The following TMEM108 variants were observed in gnomAD, a reference collection of about 807,000 sequenced individuals.
The protein encoded by TMEM108 is cancer/testis antigen 124.
A neutral mutation model predicts 35.1 loss-of-function variants in TMEM108; 12 were observed. The observed-to-expected ratio is 0.34, with a 90% CI of 0.22 to 0.55. TMEM108 has a LOEUF of 0.55. TMEM108 is among the 20% of genes least tolerant of loss of function. The pLI is 0.89. For missense variants in TMEM108, 680 were observed against 753.3 expected (o/e 0.90, Z 1.14); for synonymous variants, 287 against 308.6 (o/e 0.93, Z 0.73).
Position 133,190,268 on chromosome 3 carries a change from G to C in TMEM108, c.-46-38998G>C, listed in dbSNP as rs564417973. Among the ~76,000 whole-genome samples the C allele has an allele frequency of 5.3e-5, 8 of 152,282 alleles. No homozygotes were observed. In the South Asian group the frequency reaches 1.5e-3, roughly 28 times the overall value. ...CCAGAGGGCTAATGTCCAAGGTAAA[G>C]GCCTTTAGGACTTTTAATATGGCAA... On this transcript the variant is annotated intron_variant, in intron 2 of 5. Coordinates refer to ENST00000321871, the MANE Select transcript of TMEM108 (RefSeq NM_023943.4).
At chr3:133,062,942 G>A (rs1487914426) in intron 2 of TMEM108, among the ~76,000 whole-genome samples, 3 of 152,216 alleles carry the variant, frequency 2.0e-5, no homozygotes. Flanking sequence ...ATGTATGGAA[G>A]GGAGTGGTTA....
chr3:133,314,719 G>T (rs2071175270), intron 3 of TMEM108, among the ~76,000 whole-genome samples: 1 of 152,184 alleles, frequency 6.6e-6, no homozygotes, highest in Non-Finnish European at 1.5e-5. Context: ...CTGGTAATTG[G>T]TGGATGGATA....
chr3:133,095,883 G>C (rs1217443375), intron 2 of TMEM108, among the ~76,000 whole-genome samples: 1 of 152,142 alleles, frequency 6.6e-6, no homozygotes, highest in African/African-American at 2.4e-5. Context: ...TGGCCTAGGG[G>C]TTTGGGACCC....
At chr3:133,307,750 T>C (rs1576446220) in intron 3 of TMEM108, among the ~76,000 whole-genome samples, 1 of 152,292 alleles carries the variant, frequency 6.6e-6, no homozygotes, top group Non-Finnish European at 1.5e-5. Context: ...TTGGTACCAG[T>C]ACTATACTGT....
At chr3:133,093,082 T>G (rs1437237785) in intron 2 of TMEM108, among the ~76,000 whole-genome samples, 1 of 151,586 alleles carries the variant, frequency 6.6e-6, no homozygotes, top group Non-Finnish European at 1.5e-5. Context: ...CTCTGCCTCC[T>G]GGGTTCAAGT....
intron 3 of TMEM108, among the ~76,000 whole-genome samples, chr3:133,262,628 G>A (rs578228304): frequency 6.6e-6 from 1 of 152,206 alleles, no homozygotes; most frequent in South Asian, 2.1e-4. Flanking sequence ...ATATCCTAGA[G>A]GCTACTAACT....
chr3:133,310,530 CTTTTTTTTTTT>C (rs59215786), intron 3 of TMEM108, among the ~76,000 whole-genome samples: 6 of 22,250 alleles, frequency 2.7e-4, no homozygotes, highest in African/African-American at 7.6e-4. Flanking sequence ...GCAACCCCTG[CTTTTTTTTTTT>C]TTTTTTTTTT....
intron 2 of TMEM108, among the ~76,000 whole-genome samples, chr3:133,162,767 C>T (rs886193802): frequency 1.3e-4 from 20 of 152,160 alleles, no homozygotes; most frequent in East Asian, 3.8e-4. Context: ...AGGTTATAAA[C>T]GGAGTTGGGA....
intron 2 of TMEM108, among the ~76,000 whole-genome samples, chr3:133,102,322 T>A (rs1183567931): frequency 1.3e-5 from 2 of 152,172 alleles, no homozygotes; most frequent in Non-Finnish European, 1.5e-5. Flanking sequence ...TCTGTTGTGT[T>A]TACAGTACCC....
At position 133,045,930 on chromosome 3, in the gene TMEM108, T is replaced by C. The variant is rs1943334633; in HGVS notation, c.-137T>C. ...GTGATAGATTGGTGGTCATCCAACA[T>C]GCAGAAATGAATGAGCAGTGAAAAG... On this transcript the variant is annotated 5_prime_UTR_variant, in exon 2 of 6. The change abolishes an upstream ATG in the 5' untranslated region. Coordinates refer to ENST00000321871, the MANE Select transcript of TMEM108 (RefSeq NM_023943.4). 1 of 152,664 alleles carries C rather than the reference T, an allele frequency of 6.6e-6. No homozygotes were observed. Among genetic ancestry groups the C allele is most frequent in the African/African-American group, 2.4e-5 (1 of 41,460 alleles). 9.5% of individuals were successfully genotyped at this position (152,664 alleles called of 1,614,324 possible).
intron 3 of TMEM108, among the ~76,000 whole-genome samples, chr3:133,279,137 G>A (rs1230679938): frequency 6.6e-6 from 1 of 152,200 alleles, no homozygotes; most frequent in Non-Finnish European, 1.5e-5. Context: ...TGTAGTGGAT[G>A]TTAAAACACC....
At chr3:133,120,473 A>G (rs1043229176) in intron 2 of TMEM108, among the ~76,000 whole-genome samples, 2 of 152,170 alleles carry the variant, frequency 1.3e-5, no homozygotes, top group African/African-American at 2.4e-5. Context: ...CTCTTACTGT[A>G]CTTTGAGTTG....
At chr3:133,088,124 G>A (rs1014623005) in intron 2 of TMEM108, among the ~76,000 whole-genome samples, 6 of 152,148 alleles carry the variant, frequency 3.9e-5, no homozygotes, top group African/African-American at 1.4e-4. Flanking sequence ...AAAGAAAGAT[G>A]TCTGTGGTCC....
chr3:133,364,223 G>A (rs980787966), intron 3 of TMEM108, among the ~76,000 whole-genome samples: 1 of 152,246 alleles, frequency 6.6e-6, no homozygotes, highest in African/African-American at 2.4e-5. Context: ...TGGCCTCAGG[G>A]TCAGCCACTT....
At chr3:133,229,231 TC>T in intron 2 of TMEM108, 34 bp from the exon 3 acceptor site, 1 of 1,382,324 alleles carries the variant, frequency 7.2e-7, no homozygotes, top group African/African-American at 1.4e-5. Flanking sequence ...ATTATGTTCC[TC>T]AGATGTAACA....
chr3:133,241,574 T>C (rs1946312961), intron 3 of TMEM108, among the ~76,000 whole-genome samples: 1 of 151,626 alleles, frequency 6.6e-6, no homozygotes. Flanking sequence ...AGTTTCCCTG[T>C]CTGTAAAATG....
chr3:133,294,470 A>G (rs539863098), intron 3 of TMEM108, among the ~76,000 whole-genome samples: 1 of 152,312 alleles, frequency 6.6e-6, no homozygotes, highest in African/African-American at 2.4e-5. Context: ...TGTTTTCTCT[A>G]CTTCCTTCAA....
At chr3:133,310,601 T>C (rs905178356) in intron 3 of TMEM108, among the ~76,000 whole-genome samples, 6 of 148,170 alleles carry the variant, frequency 4.0e-5, no homozygotes, top group African/African-American at 1.5e-4. Flanking sequence ...TCCCTTTATT[T>C]TGAGCCTATG....
chr3:133,113,666 C>G lies in TMEM108; in HGVS notation c.-47+67646C>G, dbSNP rs1458952280. ...CCTTGTCAAGATGACATGTCCTCAC[C>G]TCAACCCACCCCTACCCTTGAGTTG... On this transcript the variant is annotated intron_variant, in intron 2 of 5. Coordinates refer to ENST00000321871, the MANE Select transcript of TMEM108 (RefSeq NM_023943.4). Among the ~76,000 whole-genome samples the G allele has an allele frequency of 2.0e-5, 3 of 152,222 alleles. No individual in the cohort carries two copies. The East Asian group carries it at 5.8e-4, about 29-fold the overall frequency.
Sources: allele counts gnomAD v4.1 joint callset (sites outside exome capture counted in the v4.1 genomes callset), GRCh38; gene constraint gnomAD v4.1.1; transcripts MANE v1.5; gene names NCBI Gene and HGNC (gene_info 2026-07-23, HGNC 2026-07-21).